The following GRIK1 variants were observed in gnomAD, a reference collection of about 807,000 sequenced individuals.
The protein encoded by GRIK1 is glutamate ionotropic receptor kainate type subunit 1, also known as glutamate receptor ionotropic, kainate 1.
In GRIK1, 69 loss-of-function variants were observed where a neutral mutation model predicts 105.7. The observed-to-expected ratio is 0.65, with a 90% CI of 0.54 to 0.80. The LOEUF (loss-of-function observed/expected upper bound fraction) is 0.80, where lower values mean the gene tolerates loss of function less well. GRIK1 is among the 30% of genes least tolerant of loss of function. GRIK1 has a pLI of 0.00. For missense variants in GRIK1, 1,109 were observed against 1,167.3 expected, an observed-to-expected ratio of 0.95 and a Z score of 0.73; for synonymous variants, 438 against 431.3, an observed-to-expected ratio of 1.02 and a Z score of -0.19.
intron 1 of GRIK1, among the ~76,000 whole-genome samples, chr21:29,784,128 T>C (rs2066197881): frequency 6.6e-6 from 1 of 152,198 alleles, no homozygotes; most frequent in Non-Finnish European, 1.5e-5. Context: ...GTATCTTACC[T>C]TTTGTGAAGC....
intron 1 of GRIK1, among the ~76,000 whole-genome samples, chr21:29,698,602 AT>A (rs140120609): frequency 6.6e-6 from 1 of 152,030 alleles, no homozygotes; most frequent in African/African-American, 2.4e-5. Flanking sequence ...TTGTTAAACT[AT>A]TTTTTTATCA....
At chr21:29,623,664 A>G (rs2062058157) in intron 7 of GRIK1, among the ~76,000 whole-genome samples, 1 of 152,204 alleles carries the variant, frequency 6.6e-6, no homozygotes, top group Non-Finnish European at 1.5e-5. Flanking sequence ...ATAACTCTCA[A>G]AATGAATATT....
intron 1 of GRIK1, among the ~76,000 whole-genome samples, chr21:29,867,894 G>A (rs1440084181): frequency 0.055 from 7,207 of 131,232 alleles, 369 homozygotes; most frequent in African/African-American, 0.14. Flanking sequence ...GAAAGAGAGA[G>A]AGAGAGAGAA....
At chr21:29,686,781 TC>T (rs66729242) in intron 3 of GRIK1, among the ~76,000 whole-genome samples, 23,551 of 152,184 alleles carry the variant, frequency 0.15, 1,936 homozygotes, top group East Asian at 0.22. Flanking sequence ...TGGGTGCATT[TC>T]CCTGAGATTG....
intron 1 of GRIK1, among the ~76,000 whole-genome samples, chr21:29,785,294 T>C (rs2066227950): frequency 6.6e-6 from 1 of 152,218 alleles, no homozygotes; most frequent in Non-Finnish European, 1.5e-5. Flanking sequence ...CTGAGTGTGG[T>C]GGCTCATGCC....
chr21:29,744,577 T>C (rs76834596), intron 1 of GRIK1, among the ~76,000 whole-genome samples: 1 of 151,874 alleles, frequency 6.6e-6, no homozygotes, highest in African/African-American at 2.4e-5. Flanking sequence ...TTTTTTTTTT[T>C]CCTCCCTGGA....
rs201038472 is a variant in GRIK1 at position 29,560,437 on chromosome 21, C to CTTTCTTTCTTTCTTTCTTTCTTTCT, written c.2356+1186_2356+1187insAGAAAGAAAGAAAGAAAGAAAGAAA. ...TCTTTCTTTCTTTCTTTCTTTCTTTCTTTTTCTTTCTCCCTTTCTTTCCTT... is the reference window on the plus strand; with the variant it reads ...TCTTTCTTTCTTTCTTTCTTTCTTTCTTTCTTTCTTTCTTTCTTTCTTTCTTTTTTCTTTCTCCCTTTCTTTCCTT... On this transcript the variant is annotated intron_variant, in intron 15 of 17. Transcript: ENST00000327783. Among the ~76,000 whole-genome samples the CTTTCTTTCTTTCTTTCTTTCTTTCT allele has an allele frequency of 8.9e-5, 10 of 112,356 alleles. 1 individual carries two copies. Among genetic ancestry groups the CTTTCTTTCTTTCTTTCTTTCTTTCT allele is most frequent in the South Asian group, 5.9e-4 (2 of 3,388 alleles). 73.7% of individuals were successfully genotyped at this position (112,356 alleles called of 152,430 possible).
At chr21:29,702,992 T>G (rs2063840822) in intron 1 of GRIK1, among the ~76,000 whole-genome samples, 1 of 152,200 alleles carries the variant, frequency 6.6e-6, no homozygotes, top group Non-Finnish European at 1.5e-5. Flanking sequence ...CTTCAGAAAG[T>G]TTTCATATTG....
In GRIK1 at chr21:29,855,519, C is replaced by T. The variant is rs182955161; in HGVS notation, c.118+83864G>A. Among the ~76,000 whole-genome samples the T allele has an allele frequency of 2.8e-3, 423 of 152,268 alleles. 2 individuals are homozygous for T. Among genetic ancestry groups the T allele is most frequent in the Middle Eastern group, 6.8e-3 (2 of 294 alleles). On this transcript the variant is annotated intron_variant, in intron 1 of 17. Transcript: ENST00000327783. ...TAAGCCCAGCATCTTAGACCAAGTA[C>T]AGTATATTGCCAGTGAAGTAGGCAG...
At chr21:29,685,899 A>C (rs2063478809) in intron 3 of GRIK1, among the ~76,000 whole-genome samples, 2 of 152,308 alleles carry the variant, frequency 1.3e-5, no homozygotes, top group South Asian at 4.1e-4. Context: ...CCTCTCCCCA[A>C]AAGCAAGATA....
chr21:29,794,497 A>T (rs989372518), intron 1 of GRIK1, among the ~76,000 whole-genome samples: 20 of 152,346 alleles, frequency 1.3e-4, no homozygotes, highest in Admixed American at 2.0e-4. Flanking sequence ...ATAGTTCTAT[A>T]ATTGTCAAGC....
At chr21:29,848,943 A>G (rs1257553433) in intron 1 of GRIK1, among the ~76,000 whole-genome samples, 1 of 151,634 alleles carries the variant, frequency 6.6e-6, no homozygotes, top group Non-Finnish European at 1.5e-5. Flanking sequence ...CCCATGCCAA[A>G]TGTTTCTTTA....
chr21:29,697,318 C>T (rs1233912108), intron 1 of GRIK1, among the ~76,000 whole-genome samples: 1 of 152,130 alleles, frequency 6.6e-6, no homozygotes, highest in Non-Finnish European at 1.5e-5. Context: ...GGAGTTGGCA[C>T]CAACTGGTGA....
At chr21:29,543,720 G>A (rs562640732) in intron 16 of GRIK1, among the ~76,000 whole-genome samples, 60 of 152,244 alleles carry the variant, frequency 3.9e-4, no homozygotes, top group Middle Eastern at 3.4e-3. Context: ...TCCTGGGTCC[G>A]TGTAAAGAAT....
chr21:29,817,753 C>T (rs2067192385), intron 1 of GRIK1, among the ~76,000 whole-genome samples: 1 of 152,098 alleles, frequency 6.6e-6, no homozygotes, highest in East Asian at 1.9e-4. Flanking sequence ...TTAATGTTTG[C>T]TTTTGCAAAT....
intron 7 of GRIK1, among the ~76,000 whole-genome samples, chr21:29,636,504 C>CA (rs1388065611): frequency 6.6e-6 from 1 of 151,910 alleles, no homozygotes; most frequent in Non-Finnish European, 1.5e-5. Flanking sequence ...ATTTAACAGG[C>CA]AAAAAAATAA....
intron 1 of GRIK1, among the ~76,000 whole-genome samples, chr21:29,860,434 T>A (rs961512206): frequency 6.6e-6 from 1 of 152,216 alleles, no homozygotes; most frequent in South Asian, 2.1e-4. Context: ...AATAGGGAAC[T>A]CATCTGCCTC....
intron 1 of GRIK1, among the ~76,000 whole-genome samples, chr21:29,927,481 A>G (rs2071411938): frequency 1.3e-5 from 2 of 150,284 alleles, no homozygotes; most frequent in Admixed American, 1.3e-4. Flanking sequence ...GCTTAATAAT[A>G]TGTATATGCA....
chr21:29,663,286 CA>C (rs1018693253), intron 4 of GRIK1, among the ~76,000 whole-genome samples: 5 of 152,200 alleles, frequency 3.3e-5, no homozygotes, highest in Admixed American at 3.3e-4. Context: ...TATTTAAGAC[CA>C]AAGTTAGAAC....
Sources: gnomAD v4.1 joint callset for allele counts (sites outside exome capture counted in the v4.1 genomes callset) on GRCh38, gnomAD v4.1.1 for gene constraint, MANE v1.5 for transcripts, NCBI Gene and HGNC (gene_info 2026-07-23, HGNC 2026-07-21) for gene names.